The following AQR variants were observed in gnomAD, a reference collection of about 807,000 sequenced individuals.
AQR encodes the protein RNA helicase aquarius.
In AQR, 61 loss-of-function variants were observed where a neutral mutation model predicts 180.5. The ratio of observed to expected loss-of-function variants is 0.34; its 90% CI spans 0.28 to 0.42. The LOEUF is 0.42. AQR is among the 10% of genes least tolerant of loss of function. AQR has a pLI of 1.00. For missense variants in AQR, 1,281 were observed against 1,798.3 expected (o/e 0.71, Z 5.20); for synonymous variants, 551 against 588.8 (o/e 0.94, Z 0.93).
At chr15:34,858,462 T>A (rs1469361610) in intron 34 of AQR, among the ~76,000 whole-genome samples, 1 of 152,174 alleles carries the variant, frequency 6.6e-6, no homozygotes, top group Non-Finnish European at 1.5e-5. Flanking sequence ...AGAGATCTTA[T>A]TCATGGATAG....
At chr15:34,912,546 CA>C (rs1229582955) in intron 16 of AQR, among the ~76,000 whole-genome samples, 4 of 149,924 alleles carry the variant, frequency 2.7e-5, no homozygotes, top group East Asian at 2.0e-4. Context: ...GCTATAATTT[CA>C]AAAAAAATTA....
At chr15:34,958,118 G>A (rs1894353113) in intron 3 of AQR, among the ~76,000 whole-genome samples, 1 of 152,182 alleles carries the variant, frequency 6.6e-6, no homozygotes, top group Non-Finnish European at 1.5e-5. Context: ...TGAGGCAGGG[G>A]AATGGCGTGG....
intron 18 of AQR, among the ~76,000 whole-genome samples, chr15:34,906,070 T>C (rs1024978666): frequency 2.0e-5 from 3 of 151,712 alleles, no homozygotes; most frequent in Non-Finnish European, 4.4e-5. Context: ...TCCTTTCCAA[T>C]ATCTAACATA....
At chr15:34,941,965 C>G in intron 7 of AQR, 47 bp downstream of exon 7, 1 of 1,437,350 alleles carries the variant, frequency 7.0e-7, no homozygotes, top group East Asian at 2.4e-5. Flanking sequence ...ACCACACGTT[C>G]TACTTATAAC....
chr15:34,923,387 G>A (rs768432091), intron 13 of AQR, among the ~76,000 whole-genome samples: 15 of 152,124 alleles, frequency 9.9e-5, no homozygotes, highest in Non-Finnish European at 1.6e-4. Context: ...CTCCTAGGCT[G>A]TAGCGTGTTT....
intron 14 of AQR, 39 bp from the exon 15 acceptor site, chr15:34,918,417 G>A: frequency 6.3e-7 from 1 of 1,588,132 alleles, no homozygotes. Flanking sequence ...AAGGTTAGAA[G>A]CATCTTTTTT....
At chr15:34,894,596 C>T (rs571838514) in intron 22 of AQR, among the ~76,000 whole-genome samples, 2 of 151,976 alleles carry the variant, frequency 1.3e-5, no homozygotes, top group East Asian at 3.9e-4. Flanking sequence ...TAATAAGAGG[C>T]TATTTTTTTC....
At chr15:34,911,124 G>A (rs1224151650) in intron 16 of AQR, among the ~76,000 whole-genome samples, 1 of 152,104 alleles carries the variant, frequency 6.6e-6, no homozygotes, top group African/African-American at 2.4e-5. Flanking sequence ...TTTTTAAAAG[G>A]TGAATCATAT....
At chr15:34,897,856 G>A in intron 20 of AQR, 151 bp from the exon 21 acceptor site, 2 of 874,184 alleles carry the variant, frequency 2.3e-6, no homozygotes, top group East Asian at 2.6e-5. Flanking sequence ...TCTGAAAATG[G>A]TCGAGTTACA....
At chr15:34,947,468 C>T (rs1295136167) in intron 5 of AQR, among the ~76,000 whole-genome samples, 1 of 144,774 alleles carries the variant, frequency 6.9e-6, no homozygotes, top group Non-Finnish European at 1.5e-5. Context: ...TGTGACCCTG[C>T]CAAATCCCCC....
intron 19 of AQR, among the ~76,000 whole-genome samples, chr15:34,903,018 G>A (rs1055277287): frequency 6.6e-6 from 1 of 152,102 alleles, no homozygotes; most frequent in African/African-American, 2.4e-5. Context: ...AAAATGATGA[G>A]AAGGGAAGAT....
In AQR at chr15:34,946,885, T is replaced by TGG. The variant is rs1210020386; in HGVS notation, c.330+1377_330+1378dup. On this transcript the variant is annotated intron_variant, in intron 5 of 34. Coordinates refer to ENST00000156471, the MANE Select transcript of AQR (RefSeq NM_014691.3). ...CCAGCCGCCCCGTCCGGGAGGGAGGTGGGGGGGGTCAGCCCCCCGTCCGGC... is the reference window on the plus strand; with the variant it reads ...CCAGCCGCCCCGTCCGGGAGGGAGGTGGGGGGGGGGTCAGCCCCCCGTCCGGC... Among the ~76,000 whole-genome samples, 8 of 114,044 alleles carry TGG rather than the reference T, an allele frequency of 7.0e-5. No individual in the cohort carries two copies. In the East Asian group the frequency reaches 1.6e-3, roughly 23 times the overall value. 74.8% of individuals were successfully genotyped at this position (114,044 alleles called of 152,430 possible).
At chr15:34,896,622 T>C (rs1248759065) in intron 22 of AQR, among the ~76,000 whole-genome samples, 2 of 149,658 alleles carry the variant, frequency 1.3e-5, no homozygotes, top group Non-Finnish European at 3.0e-5. Flanking sequence ...CCGAGGCAGG[T>C]GGATCACCTG....
intron 3 of AQR, among the ~76,000 whole-genome samples, chr15:34,957,941 G>A (rs893533968): frequency 2.6e-5 from 4 of 152,136 alleles, no homozygotes; most frequent in Admixed American, 6.5e-5. Flanking sequence ...CGGGCGCAGT[G>A]GCTCACGCCT....
intron 10 of AQR, among the ~76,000 whole-genome samples, chr15:34,933,798 C>T (rs1328049252): frequency 6.6e-6 from 1 of 152,140 alleles, no homozygotes; most frequent in African/African-American, 2.4e-5. Context: ...AAAGTAAAAC[C>T]AGTTTGAGGT....
chr15:34,933,208 A>G (rs1168958942), intron 10 of AQR, among the ~76,000 whole-genome samples: 1 of 152,066 alleles, frequency 6.6e-6, no homozygotes, highest in Non-Finnish European at 1.5e-5. Context: ...TTATAGATGA[A>G]GTTATTGAGA....
chr15:34,957,984 C>T lies in AQR; in HGVS notation c.173+2790G>A, dbSNP rs554363950. Among the ~76,000 whole-genome samples, 222 of 151,272 alleles carry T rather than the reference C, an allele frequency of 1.5e-3. 2 individuals carry two copies. Among genetic ancestry groups the T allele is most frequent in the African/African-American group, 5.0e-3 (208 of 41,284 alleles). On this transcript the variant is annotated intron_variant, in intron 3 of 34. Coordinates refer to ENST00000156471, the MANE Select transcript of AQR (RefSeq NM_014691.3). ...CAGCACTTTGGGAGGCTGAGGCGGG[C>T]GATCACAAGGTCGGGAGATCGAGAC... is the stretch of plus-strand genomic sequence containing the variant.
chr15:34,926,495 A>C (rs1893767004), intron 13 of AQR, among the ~76,000 whole-genome samples: 1 of 152,216 alleles, frequency 6.6e-6, no homozygotes, highest in South Asian at 2.1e-4. Flanking sequence ...TCTATGCCCC[A>C]GATACCTTAT....
At chr15:34,947,374 G>A (rs973093787) in intron 5 of AQR, among the ~76,000 whole-genome samples, 3 of 150,268 alleles carry the variant, frequency 2.0e-5, no homozygotes, top group Admixed American at 6.6e-5. Context: ...CAAACACTGC[G>A]GAAGGCCACA....
Sources: allele counts gnomAD v4.1 joint callset (sites outside exome capture counted in the v4.1 genomes callset), GRCh38; gene constraint gnomAD v4.1.1; transcripts MANE v1.5; gene names NCBI Gene and HGNC (gene_info 2026-07-23, HGNC 2026-07-21).